Variants in CCSER1 observed in about 807,000 individuals in gnomAD.
The protein encoded by CCSER1 is serine-rich coiled-coil domain-containing protein 1.
CCSER1 carries 41 observed loss-of-function variants against 82.0 expected under a neutral mutation model. The observed-to-expected ratio is 0.50, with a 90% CI of 0.39 to 0.65. CCSER1 has a LOEUF of 0.65. Ranked by LOEUF, CCSER1 falls within the 30% of genes least tolerant of loss-of-function variation. CCSER1 has a pLI of 0.00. For synonymous variants in CCSER1, 414 were observed against 383.9 expected (o/e 1.08, Z -0.92); for missense variants, 1,119 against 1,064.2 (o/e 1.05, Z -0.72).
At chr4:91,144,610 C>A (rs1023306165) in intron 10 of CCSER1, among the ~76,000 whole-genome samples, 1 of 149,798 alleles carries the variant, frequency 6.7e-6, no homozygotes, top group Non-Finnish European at 1.5e-5. Context: ...TATAACCTGT[C>A]CTCTTAAAGC....
chr4:91,522,879 T>C (rs1158402679), intron 10 of CCSER1, among the ~76,000 whole-genome samples: 1 of 152,180 alleles, frequency 6.6e-6, no homozygotes, highest in African/African-American at 2.4e-5. Context: ...TTATTTTGTC[T>C]GATTGCCCTG....
intron 10 of CCSER1, among the ~76,000 whole-genome samples, chr4:91,171,839 A>T (rs1029383236): frequency 6.6e-6 from 1 of 151,270 alleles, no homozygotes; most frequent in South Asian, 2.1e-4. Flanking sequence ...ACCATGAAAA[A>T]TAATAATTTT....
At position 91,605,231 on chromosome 4, in the gene CCSER1, A is replaced by G. The variant is rs749584254; in HGVS notation, c.*6174A>G. ...TAATATTCTAAGAAAAGATTGATAT[A>G]TTTAAGCATGGTGATTAGAAAAATA... On this transcript the variant is annotated 3_prime_UTR_variant, in exon 11 of 11. Transcript: ENST00000509176. The G allele has an allele frequency of 1.3e-5, 2 of 152,098 alleles. No homozygotes were observed. Among genetic ancestry groups the G allele is most frequent in the Non-Finnish European group, 2.9e-5 (2 of 67,954 alleles). 9.4% of individuals were successfully genotyped at this position (152,098 alleles called of 1,614,324 possible).
intron 6 of CCSER1, among the ~76,000 whole-genome samples, chr4:90,691,139 A>C (rs891064817): frequency 3.9e-5 from 6 of 152,064 alleles, no homozygotes; most frequent in African/African-American, 1.4e-4. Context: ...AATAAAAATA[A>C]TAATATAGTG....
At chr4:91,165,683 C>T (rs1312945660) in intron 10 of CCSER1, among the ~76,000 whole-genome samples, 1 of 152,240 alleles carries the variant, frequency 6.6e-6, no homozygotes, top group Non-Finnish European at 1.5e-5. Context: ...AAGTCAATCT[C>T]AGACTGCTGC....
chr4:90,159,559 A>G (rs1161668150), intron 1 of CCSER1, among the ~76,000 whole-genome samples: 1 of 152,190 alleles, frequency 6.6e-6, no homozygotes, highest in Non-Finnish European at 1.5e-5. Flanking sequence ...ATGAGTCAAT[A>G]TTTGGATATA....
chr4:90,219,295 C>A (rs1337455605), intron 1 of CCSER1, among the ~76,000 whole-genome samples: 2 of 152,006 alleles, frequency 1.3e-5, no homozygotes, highest in African/African-American at 4.8e-5. Context: ...TGTTTTGGGA[C>A]TTCATTGTGA....
chr4:90,422,040 A>G (rs949752935), intron 4 of CCSER1, among the ~76,000 whole-genome samples: 2 of 152,176 alleles, frequency 1.3e-5, no homozygotes, highest in Non-Finnish European at 2.9e-5. Flanking sequence ...GATTTTCACT[A>G]ATGTTTGAGG....
intron 10 of CCSER1, among the ~76,000 whole-genome samples, chr4:91,402,714 G>A (rs937050214): frequency 2.6e-5 from 4 of 152,058 alleles, no homozygotes; most frequent in African/African-American, 9.7e-5. Flanking sequence ...TAGATGTGTG[G>A]TATTATTTCT....
chr4:91,046,336 T>G (rs1015966426), intron 9 of CCSER1, among the ~76,000 whole-genome samples: 2 of 142,974 alleles, frequency 1.4e-5, no homozygotes, highest in African/African-American at 4.9e-5. Flanking sequence ...GTATGTATAG[T>G]TTTTCATTTT....
intron 10 of CCSER1, among the ~76,000 whole-genome samples, chr4:91,177,095 G>A (rs1034382197): frequency 2.6e-5 from 4 of 152,028 alleles, no homozygotes; most frequent in African/African-American, 4.8e-5. Context: ...TTTTGTCTTC[G>A]GTTCTGTTTA....
intron 10 of CCSER1, among the ~76,000 whole-genome samples, chr4:91,526,699 G>A (rs111309826): frequency 0.14 from 20,616 of 151,996 alleles, 1,592 homozygotes; most frequent in African/African-American, 0.21. Context: ...CTGCCTCCTC[G>A]GTTCAAGCGA....
chr4:90,930,337 C>T (rs1239183509), intron 9 of CCSER1, among the ~76,000 whole-genome samples: 2 of 152,026 alleles, frequency 1.3e-5, no homozygotes, highest in African/African-American at 4.8e-5. Context: ...CAGGGTGGCT[C>T]ACGCCTGTAA....
chr4:90,427,227 C>T (rs1757644774), intron 4 of CCSER1, among the ~76,000 whole-genome samples: 1 of 151,758 alleles, frequency 6.6e-6, no homozygotes, highest in African/African-American at 2.4e-5. Flanking sequence ...TTGTAACTAA[C>T]ATTGGAGAAT....
intron 10 of CCSER1, among the ~76,000 whole-genome samples, chr4:91,260,122 A>T (rs1441201679): frequency 3.9e-5 from 6 of 152,220 alleles, no homozygotes; most frequent in African/African-American, 1.4e-4. Context: ...GTGGATATAT[A>T]GCTGGGTGCT....
intron 3 of CCSER1, among the ~76,000 whole-genome samples, chr4:90,375,888 C>T (rs939214297): frequency 9.2e-5 from 14 of 152,112 alleles, no homozygotes; most frequent in African/African-American, 3.1e-4. Flanking sequence ...TTCAAGTATT[C>T]AAATTTAACC....
At chr4:90,989,136 G>T (rs1044728782) in intron 9 of CCSER1, among the ~76,000 whole-genome samples, 1 of 151,720 alleles carries the variant, frequency 6.6e-6, no homozygotes, top group Non-Finnish European at 1.5e-5. Flanking sequence ...AAATTCTGAG[G>T]ATATTGAACC....
intron 6 of CCSER1, among the ~76,000 whole-genome samples, chr4:90,636,770 G>T (rs1373964342): frequency 6.6e-6 from 1 of 152,078 alleles, no homozygotes; most frequent in Non-Finnish European, 1.5e-5. Context: ...AATATTATCA[G>T]CAAGGTAAGA....
At chr4:90,170,077 T>C (rs1215232930) in intron 1 of CCSER1, among the ~76,000 whole-genome samples, 1 of 151,966 alleles carries the variant, frequency 6.6e-6, no homozygotes, top group Non-Finnish European at 1.5e-5. Flanking sequence ...TCTCTAAAAG[T>C]TTCCAAATGT....
Sources: allele counts gnomAD v4.1 joint callset (sites outside exome capture counted in the v4.1 genomes callset), GRCh38; gene constraint gnomAD v4.1.1; transcripts MANE v1.5; gene names NCBI Gene and HGNC (gene_info 2026-07-23, HGNC 2026-07-21).